Variants in SMYD3 observed in about 807,000 individuals in gnomAD.
SMYD3 encodes histone-lysine N-methyltransferase SMYD3.
A neutral mutation model predicts 57.7 loss-of-function variants in SMYD3; 36 were observed. That is an observed-to-expected ratio of 0.62 (90% CI 0.48 to 0.82). SMYD3 has a LOEUF of 0.82. Ranked by LOEUF, SMYD3 falls within the 40% of genes least tolerant of loss-of-function variation. SMYD3 has a pLI of 0.00. For synonymous variants in SMYD3, 211 were observed against 195.0 expected, an observed-to-expected ratio of 1.08 and a Z score of -0.68; for missense variants, 515 against 538.8, an observed-to-expected ratio of 0.96 and a Z score of 0.44.
chr1:245,796,465 A>G (rs986839089), intron 10 of SMYD3, among the ~76,000 whole-genome samples: 8 of 152,196 alleles, frequency 5.3e-5, no homozygotes, highest in Admixed American at 3.9e-4. Flanking sequence ...TGAACAGTAA[A>G]GAACTGTCTA....
At position 246,017,409 on chromosome 1, in the gene SMYD3, CA is replaced by C. The variant is rs1245747818; in HGVS notation, c.532-87473del. On this transcript the variant is annotated intron_variant, in intron 5 of 11. Transcript: ENST00000490107. ...CATTCCACCATGATCCTTTTCACAG[CA>C]AAAGGTTCCAGTTCAGAATCAAGGC... Among the ~76,000 whole-genome samples the C allele has an allele frequency of 2.6e-5, 4 of 152,110 alleles. No individual in the cohort carries two copies. The East Asian group carries it at 7.7e-4, about 29-fold the overall frequency.
chr1:245,956,658 TCTC>T (rs547117100), intron 5 of SMYD3, among the ~76,000 whole-genome samples: 1 of 152,050 alleles, frequency 6.6e-6, no homozygotes, highest in African/African-American at 2.4e-5. Flanking sequence ...TCCTTCTACT[TCTC>T]CTCCTCCTCC....
At chr1:245,883,126 G>A (rs1402378137) in intron 8 of SMYD3, among the ~76,000 whole-genome samples, 2 of 152,090 alleles carry the variant, frequency 1.3e-5, no homozygotes, top group African/African-American at 4.8e-5. Flanking sequence ...TGTGAAAAGG[G>A]TAAAAACAAT....
At position 245,955,496 on chromosome 1, in the gene SMYD3, C is replaced by G. The variant is rs78052904; in HGVS notation, c.532-25559G>C. On this transcript the variant is annotated intron_variant, in intron 5 of 11. Coordinates refer to ENST00000490107, the MANE Select transcript of SMYD3 (RefSeq NM_001167740.2). ...TATCTTTTTCACTACTGCGATCGCT[C>G]ATAATTTTATTCATCCTTTAGGATC... Among the ~76,000 whole-genome samples, 420 of 152,218 alleles carry G rather than the reference C, an allele frequency of 2.8e-3. 1 individual carries two copies. Among genetic ancestry groups the G allele is most frequent in the Non-Finnish European group, 4.6e-3 (316 of 68,026 alleles).
At chr1:246,217,503 T>C (rs1359863272) in intron 5 of SMYD3, among the ~76,000 whole-genome samples, 1 of 152,032 alleles carries the variant, frequency 6.6e-6, no homozygotes, top group African/African-American at 2.4e-5. Context: ...ACCAAGACCC[T>C]GTCTCAAAAT....
chr1:246,375,526 T>C (rs1182443099), intron 1 of SMYD3, among the ~76,000 whole-genome samples: 1 of 152,052 alleles, frequency 6.6e-6, no homozygotes, highest in African/African-American at 2.4e-5. Flanking sequence ...TGGTGCTTCC[T>C]CCTTGTCAGT....
chr1:246,253,797 C>T (rs2063833935), intron 5 of SMYD3, among the ~76,000 whole-genome samples: 1 of 152,186 alleles, frequency 6.6e-6, no homozygotes, highest in African/African-American at 2.4e-5. Context: ...GATTTCTGCA[C>T]ACAGCGATGA....
chr1:245,828,251 G>A (rs1463401737), intron 10 of SMYD3, among the ~76,000 whole-genome samples: 3 of 152,024 alleles, frequency 2.0e-5, no homozygotes, highest in African/African-American at 4.8e-5. Flanking sequence ...AGACTAGAGA[G>A]GTGCATTAAC....
rs192080978 is a variant in SMYD3 at position 245,955,177 on chromosome 1, C to T, written c.532-25240G>A. Among the ~76,000 whole-genome samples the T allele has an allele frequency of 8.2e-4, 125 of 152,236 alleles. 2 individuals are homozygous for T. The East Asian group carries it at 0.013, about 16-fold the overall frequency. On this transcript the variant is annotated intron_variant, in intron 5 of 11. Transcript: ENST00000490107. ...CGCGATCTCAGCTCACTGCAAGTTCCGCCTCCCGGGTTCACGCCATTCTCC... is the reference window on the plus strand; with the variant it reads ...CGCGATCTCAGCTCACTGCAAGTTCTGCCTCCCGGGTTCACGCCATTCTCC...
intron 5 of SMYD3, among the ~76,000 whole-genome samples, chr1:246,239,851 GC>G (rs1464845934): frequency 1.3e-5 from 2 of 152,146 alleles, no homozygotes; most frequent in Non-Finnish European, 1.5e-5. Flanking sequence ...GTGATGATGA[GC>G]ACTTTTTATG....
intron 5 of SMYD3, among the ~76,000 whole-genome samples, chr1:246,244,578 C>G (rs2063671489): frequency 2.0e-5 from 3 of 152,196 alleles, no homozygotes; most frequent in Admixed American, 2.0e-4. Context: ...ATATGTACCA[C>G]AGCTAACTCA....
intron 1 of SMYD3, among the ~76,000 whole-genome samples, chr1:246,494,990 A>G (rs189922564): frequency 2.7e-3 from 404 of 152,328 alleles, no homozygotes; most frequent in Middle Eastern, 0.014. Context: ...GAGTCAGTGA[A>G]GATGGAAAAG....
intron 10 of SMYD3, among the ~76,000 whole-genome samples, chr1:245,845,864 T>C (rs78621119): frequency 0.092 from 14,089 of 152,332 alleles, 859 homozygotes; most frequent in Middle Eastern, 0.21. Flanking sequence ...TCTATTCTTC[T>C]GGTTTGTCCA....
chr1:246,054,459 T>C (rs1363851319), intron 5 of SMYD3, among the ~76,000 whole-genome samples: 1 of 152,206 alleles, frequency 6.6e-6, no homozygotes, highest in African/African-American at 2.4e-5. Flanking sequence ...CAAAGATTTG[T>C]ACATGAATGT....
At chr1:245,955,095 GTTTTGT>G (rs764392298) in intron 5 of SMYD3, among the ~76,000 whole-genome samples, 7 of 152,010 alleles carry the variant, frequency 4.6e-5, no homozygotes, top group Non-Finnish European at 8.8e-5. Flanking sequence ...CCCATGTGGT[GTTTTGT>G]TTTTGTTTTT....
intron 5 of SMYD3, among the ~76,000 whole-genome samples, chr1:246,246,630 C>T (rs189139267): frequency 6.6e-6 from 1 of 151,896 alleles, no homozygotes; most frequent in African/African-American, 2.4e-5. Flanking sequence ...ATAAGAATAC[C>T]ACCTACTGGA....
rs566446522 is a variant in SMYD3 at position 246,143,701 on chromosome 1, T to C, written c.531+183500A>G. Among the ~76,000 whole-genome samples, 11 of 152,264 alleles carry C rather than the reference T, an allele frequency of 7.2e-5. No individual in the cohort carries two copies. In the East Asian group the frequency reaches 1.7e-3, roughly 24 times the overall value. On this transcript the variant is annotated intron_variant, in intron 5 of 11. Coordinates refer to ENST00000490107, the MANE Select transcript of SMYD3 (RefSeq NM_001167740.2). ...CAATCAATCAATCAAAGCAGCACTA[T>C]ATGAATCATCATAAATGTCAAATTA...
intron 5 of SMYD3, among the ~76,000 whole-genome samples, chr1:245,948,061 C>G (rs983755454): frequency 2.6e-5 from 4 of 152,084 alleles, no homozygotes; most frequent in African/African-American, 9.7e-5. Flanking sequence ...CCGGTTTCGC[C>G]AGAACCTCGG....
At chr1:245,751,542 A>AGAGAGAG (rs1558298934) in intron 11 of SMYD3, among the ~76,000 whole-genome samples, 2 of 129,478 alleles carry the variant, frequency 1.5e-5, no homozygotes, top group Non-Finnish European at 3.3e-5. Flanking sequence ...AAGAGAGAGA[A>AGAGAGAG]AGAGAGAGAG....
Sources: allele counts gnomAD v4.1 joint callset (sites outside exome capture counted in the v4.1 genomes callset), GRCh38; gene constraint gnomAD v4.1.1; transcripts MANE v1.5; gene names NCBI Gene and HGNC (gene_info 2026-07-23, HGNC 2026-07-21).